ASIC2: variants seen among roughly 807,000 people sequenced by gnomAD.
ASIC2 encodes acid sensing ion channel subunit 2.
A neutral mutation model predicts 57.3 loss-of-function variants in ASIC2; 25 were observed. That is an observed-to-expected ratio of 0.44 (90% CI 0.32 to 0.61). The LOEUF (loss-of-function observed/expected upper bound fraction) is 0.61, where lower values mean the gene tolerates loss of function less well. Ranked by LOEUF, ASIC2 falls within the 20% of genes least tolerant of loss-of-function variation. The pLI is 0.06. For missense variants in ASIC2, 641 were observed against 738.1 expected, an observed-to-expected ratio of 0.87 and a Z score of 1.52; for synonymous variants, 319 against 307.5, an observed-to-expected ratio of 1.04 and a Z score of -0.39.
At chr17:33,369,292 C>A (rs564999331) in intron 1 of ASIC2, among the ~76,000 whole-genome samples, 1 of 152,230 alleles carries the variant, frequency 6.6e-6, no homozygotes, top group East Asian at 1.9e-4. Flanking sequence ...TACCTGAATC[C>A]ACTTTGAGAA....
At chr17:33,442,300 T>G (rs886361294) in intron 1 of ASIC2, among the ~76,000 whole-genome samples, 6 of 152,234 alleles carry the variant, frequency 3.9e-5, no homozygotes, top group Non-Finnish European at 7.3e-5. Context: ...ATCAGCTTGT[T>G]AATTTTCTAA....
intron 1 of ASIC2, among the ~76,000 whole-genome samples, chr17:33,140,138 C>T (rs2092381825): frequency 6.6e-6 from 1 of 152,224 alleles, no homozygotes; most frequent in African/African-American, 2.4e-5. Context: ...GCCCAGGAAT[C>T]TGGGCTTTAA....
At chr17:33,490,012 T>C (rs915465038) in intron 1 of ASIC2, among the ~76,000 whole-genome samples, 10 of 152,254 alleles carry the variant, frequency 6.6e-5, no homozygotes, top group African/African-American at 2.4e-4. Flanking sequence ...TTATATTTTA[T>C]ATAGTTGCAA....
chr17:33,536,085 G>C (rs996822281), intron 1 of ASIC2, among the ~76,000 whole-genome samples: 5 of 152,164 alleles, frequency 3.3e-5, no homozygotes, highest in African/African-American at 1.2e-4. Flanking sequence ...TTATTCCCTA[G>C]CCCAAGAGCA....
intron 1 of ASIC2, among the ~76,000 whole-genome samples, chr17:34,025,044 C>T (rs939992480): frequency 1.3e-5 from 2 of 152,190 alleles, no homozygotes; most frequent in African/African-American, 4.8e-5. Flanking sequence ...ACTTTGTTGT[C>T]ACTACAGAAG....
intron 1 of ASIC2, among the ~76,000 whole-genome samples, chr17:33,325,311 G>C (rs1444728253): frequency 6.6e-6 from 1 of 152,166 alleles, no homozygotes; most frequent in Non-Finnish European, 1.5e-5. Context: ...AACAGGTTTG[G>C]GATAGTAAGA....
chr17:34,073,219 A>T (rs916992039), intron 1 of ASIC2, among the ~76,000 whole-genome samples: 2 of 152,234 alleles, frequency 1.3e-5, no homozygotes, highest in African/African-American at 4.8e-5. Flanking sequence ...TGTCATTGTC[A>T]TATGGGGCCT....
chr17:34,010,411 C>A (rs1396817429), intron 1 of ASIC2, among the ~76,000 whole-genome samples: 1 of 152,204 alleles, frequency 6.6e-6, no homozygotes, highest in Non-Finnish European at 1.5e-5. Context: ...ATCCTGGGTG[C>A]TCAAGCTGTG....
chr17:33,590,857 T>G (rs1000434466), intron 1 of ASIC2, among the ~76,000 whole-genome samples: 2 of 152,218 alleles, frequency 1.3e-5, no homozygotes, highest in African/African-American at 4.8e-5. Flanking sequence ...TGTAGTCTTC[T>G]CCCTCCAAGA....
At chr17:33,856,256 T>C (rs1450703794) in intron 1 of ASIC2, among the ~76,000 whole-genome samples, 2 of 152,210 alleles carry the variant, frequency 1.3e-5, no homozygotes, top group Admixed American at 6.5e-5. Flanking sequence ...AAAGCATCAA[T>C]ATCAATTTCA....
At chr17:33,655,034 C>T (rs577255348) in intron 1 of ASIC2, among the ~76,000 whole-genome samples, 1 of 152,308 alleles carries the variant, frequency 6.6e-6, no homozygotes, top group East Asian at 1.9e-4. Context: ...AGTGTCTTGA[C>T]TGGCTCTTCT....
intron 1 of ASIC2, among the ~76,000 whole-genome samples, chr17:33,206,312 G>A (rs1907060240): frequency 6.6e-6 from 1 of 152,142 alleles, no homozygotes; most frequent in Admixed American, 6.5e-5. Context: ...GAGGGAGGGA[G>A]AGGGAAGGCC....
At position 33,464,532 on chromosome 17, in the gene ASIC2, CTTTCTTTCTCTT is replaced by C. The variant is rs1567621157; in HGVS notation, c.556-352477_556-352466del. 4.4e-3 allele frequency among the ~76,000 whole-genome samples: 156 copies of C among 35,270 alleles called. 2 individuals are homozygous for C. The highest frequency in any genetic ancestry group is 0.031 in the East Asian group (58 of 1,890). 23.1% of individuals were successfully genotyped at this position (35,270 alleles called of 152,430 possible). A position where few individuals can be genotyped will look rare whatever the true frequency, so the allele number is the denominator to read the frequency against. On this transcript the variant is annotated intron_variant, in intron 1 of 9. Transcript: ENST00000359872. ...TCTTTCTTTCTTTCTTTCTTTCTTT[CTTTCTTTCTCTT>C]TCTTTCTTTCTTTCTTTCTTTTCTC...
intron 1 of ASIC2, among the ~76,000 whole-genome samples, chr17:33,369,242 T>A (rs553988418): frequency 7.9e-5 from 12 of 152,298 alleles, no homozygotes; most frequent in African/African-American, 2.9e-4. Flanking sequence ...CTCTGACACA[T>A]GGAGAGCCAG....
chr17:33,449,650 T>C (rs1912171300), intron 1 of ASIC2, among the ~76,000 whole-genome samples: 1 of 152,220 alleles, frequency 6.6e-6, no homozygotes, highest in African/African-American at 2.4e-5. Context: ...TCAGGATTGC[T>C]TATTCTAATG....
At chr17:33,358,692 T>C (rs1908483204) in intron 1 of ASIC2, among the ~76,000 whole-genome samples, 1 of 152,228 alleles carries the variant, frequency 6.6e-6, no homozygotes, top group South Asian at 2.1e-4. Flanking sequence ...ACAGGGACTT[T>C]TGTAGAAGGT....
intron 1 of ASIC2, among the ~76,000 whole-genome samples, chr17:33,487,658 C>G (rs1298680618): frequency 2.0e-5 from 3 of 152,202 alleles, no homozygotes; most frequent in Non-Finnish European, 4.4e-5. Context: ...ATTTGAGTCA[C>G]TCACTGGGAG....
At chr17:33,581,277 T>C (rs1198862668) in intron 1 of ASIC2, 6 of 152,132 alleles carry the variant, frequency 3.9e-5, no homozygotes, top group Admixed American at 3.9e-4. Flanking sequence ...CCTCTGGAAG[T>C]TGAAAACGAC....
At chr17:33,332,068 A>T (rs1373139515) in intron 1 of ASIC2, among the ~76,000 whole-genome samples, 4 of 152,240 alleles carry the variant, frequency 2.6e-5, no homozygotes, top group Non-Finnish European at 4.4e-5. Context: ...GCTAAAAGCT[A>T]CTGCTTTACC....
Sources: allele counts gnomAD v4.1 joint callset (sites outside exome capture counted in the v4.1 genomes callset), GRCh38; gene constraint gnomAD v4.1.1; transcripts MANE v1.5; gene names NCBI Gene and HGNC (gene_info 2026-07-23, HGNC 2026-07-21).